Variants in LETMD1 observed in about 807,000 individuals in gnomAD.
The protein encoded by LETMD1 is LETM1 domain-containing protein 1.
A neutral mutation model predicts 43.9 loss-of-function variants in LETMD1; 30 were observed. The ratio of observed to expected loss-of-function variants is 0.68; its 90% CI spans 0.51 to 0.93. The LOEUF (loss-of-function observed/expected upper bound fraction) is 0.93, where lower values mean the gene tolerates loss of function less well. Ranked by LOEUF, LETMD1 falls within the 40% of genes least tolerant of loss-of-function variation. The probability of loss-of-function intolerance (pLI) is 0.00; values close to 1 mark genes in which losing one functional copy is unlikely to be tolerated. For missense variants in LETMD1, 413 were observed against 447.7 expected (o/e 0.92, Z 0.70); for synonymous variants, 176 against 163.1 (o/e 1.08, Z -0.60).
chr12:51,063,465 AG>A, downstream of LETMD1: 1 of 231,492 alleles, frequency 4.3e-6, no homozygotes, highest in South Asian at 1.5e-4. Context: ...TTTTCCTGTG[AG>A]ATCCTAGTTC....
downstream of LETMD1, chr12:51,061,757 C>A (rs1948838027): frequency 6.6e-6 from 1 of 152,172 alleles, no homozygotes; most frequent in East Asian, 1.9e-4. Context: ...CCTCATCGTG[C>A]AGCTGGAATC....
chr12:51,067,074 G>C, the LETMD1 span, among the ~76,000 whole-genome samples: 1 of 152,086 alleles, frequency 6.6e-6, no homozygotes, highest in Non-Finnish European at 1.5e-5. This position sits in a 1 kb window ranked among gnomAD's most constrained non-coding sequence, Gnocchi z 4.1. Flanking sequence ...CAATCTGCCT[G>C]CCTGCCTCGG....
At chr12:51,065,318 C>T (rs1211577261), downstream of LETMD1, among the ~76,000 whole-genome samples, 1 of 152,130 alleles carries the variant, frequency 6.6e-6, no homozygotes, top group Admixed American at 6.6e-5. Flanking sequence ...ACTTACAGAC[C>T]AGGAATATCT....
the LETMD1 span, among the ~76,000 whole-genome samples, chr12:51,066,244 AG>A: frequency 1.3e-5 from 2 of 151,834 alleles, no homozygotes; most frequent in Non-Finnish European, 2.9e-5. Context: ...CACGAGGTCA[AG>A]AGATCGAGAC....
In LETMD1 at chr12:51,055,054, C is replaced by T. The variant is rs188940797; in HGVS notation, c.474-781C>T. On this transcript the variant is annotated intron_variant, in intron 4 of 8. Transcript: ENST00000262055. ...GGCAGAGGTTGCAGTGAGCCGAGAT[C>T]GCGCCACTGCAGTCCAGCTTGGGTG... Among the ~76,000 whole-genome samples, 26 of 152,010 alleles carry T rather than the reference C, an allele frequency of 1.7e-4. No homozygotes were observed. The East Asian group carries it at 5.1e-3, about 30-fold the overall frequency.
At chr12:51,051,797 T>C (rs1181429903) in intron 2 of LETMD1, among the ~76,000 whole-genome samples, 2 of 152,106 alleles carry the variant, frequency 1.3e-5, no homozygotes, top group East Asian at 3.9e-4. Context: ...CTTTCTGAAG[T>C]TAGGGAGCTT....
chr12:51,057,720 G>T (rs1267387924), intron 7 of LETMD1: 2 of 363,106 alleles, frequency 5.5e-6, no homozygotes, highest in Non-Finnish European at 1.1e-5. Context: ...CCGCCTCCCA[G>T]GTTCCAGTGA....
the LETMD1 span, among the ~76,000 whole-genome samples, chr12:51,066,319 G>A: frequency 4.6e-5 from 7 of 152,150 alleles, no homozygotes; most frequent in South Asian, 1.5e-3. Flanking sequence ...TGGGTGTGGT[G>A]GTGTGTGCCT....
chr12:51,059,397 T>C lies in LETMD1; in HGVS notation c.1049T>C (p.Leu350Pro). 6.2e-7 allele frequency: 1 copy of C among 1,614,226 alleles called. No homozygotes were observed. Among genetic ancestry groups the C allele is most frequent in the Non-Finnish European group, 8.5e-7 (1 of 1,180,016 alleles). The change falls in exon 9 of 9, where the codon CTG (leucine) becomes CCG (proline). Residue 350 changes from leucine (L) to proline (P), a missense_variant. Transcript: ENST00000262055. ...TCTCTCTTGCTGCACAACGTGGTCCTGCTCTCCACCAACTACCTTGGGACA... is the reference window on the plus strand; with the variant it reads ...TCTCTCTTGCTGCACAACGTGGTCCCGCTCTCCACCAACTACCTTGGGACA... The part of the protein sequence containing the change: ...ELSLLLHNVV[L>P]LSTNYLGTRR
At chr12:51,061,794 C>T (rs1488171594), downstream of LETMD1, 1 of 152,188 alleles carries the variant, frequency 6.6e-6, no homozygotes, top group African/African-American at 2.4e-5. Context: ...CCGGAGCCTT[C>T]CTGCAGAGAC....
rs565359513 is a variant in LETMD1 at position 51,053,149 on chromosome 12, A to G, written c.391-629A>G. On this transcript the variant is annotated intron_variant, in intron 3 of 8. Transcript: ENST00000262055. ...AGTCTGCAAGGATCCAAAGGGCAGC[A>G]TGAAAGTAGTATTTGGTGGTGACTT... Among the ~76,000 whole-genome samples the G allele has an allele frequency of 5.9e-5, 9 of 152,082 alleles. 1 individual carries two copies. In the South Asian group the frequency reaches 1.9e-3, roughly 32 times the overall value.
the LETMD1 span, chr12:51,067,883 A>G: frequency 2.5e-6 from 4 of 1,613,940 alleles, no homozygotes; most frequent in Admixed American, 3.3e-5. The surrounding 1 kb of genome is among the most constrained non-coding windows in gnomAD (Gnocchi z 4.1). Context: ...CCACCTCCAC[A>G]TTTTCCACAT....
intron 4 of LETMD1, among the ~76,000 whole-genome samples, chr12:51,055,394 G>A (rs1472090098): frequency 6.6e-6 from 1 of 152,012 alleles, no homozygotes; most frequent in African/African-American, 2.4e-5. Flanking sequence ...GCTGACTGTA[G>A]TGGCTCTCAC....
downstream of LETMD1, chr12:51,064,782 G>A (rs11169692): frequency 0.2 from 167,853 of 821,620 alleles, 22,666 homozygotes; most frequent in East Asian, 0.7. Context: ...CTTGTAAGAA[G>A]AAAAGCAACC....
chr12:51,049,896 A>G (rs1945493263), intron 2 of LETMD1, among the ~76,000 whole-genome samples: 1 of 152,252 alleles, frequency 6.6e-6, no homozygotes, highest in Non-Finnish European at 1.5e-5. Flanking sequence ...AGTGCCAAGT[A>G]AATGTTAACT....
intron 3 of LETMD1, among the ~76,000 whole-genome samples, chr12:51,053,043 C>T (rs1592604389): frequency 6.6e-6 from 1 of 151,338 alleles, no homozygotes; most frequent in African/African-American, 2.4e-5. Flanking sequence ...ACCTGGGAGG[C>T]GGAGGTTGCA....
At chr12:51,066,114 G>A in the LETMD1 span, among the ~76,000 whole-genome samples, 926 of 152,058 alleles carry the variant, frequency 6.1e-3, 7 homozygotes, top group African/African-American at 0.02. Context: ...GAGGTCAGGC[G>A]TTTGAGACCT....
downstream of LETMD1, chr12:51,063,300 G>A (rs1937760595): frequency 6.5e-6 from 1 of 152,754 alleles, no homozygotes; most frequent in Admixed American, 6.5e-5. Flanking sequence ...CCAGTTTGAA[G>A]TATTATGACA....
chr12:51,051,852 T>A (rs1471342175), intron 2 of LETMD1, among the ~76,000 whole-genome samples: 1 of 152,192 alleles, frequency 6.6e-6, no homozygotes, highest in Non-Finnish European at 1.5e-5. Flanking sequence ...AGGGAGACCA[T>A]TCCATAGCAG....
Sources: gnomAD v4.1 joint callset for allele counts (sites outside exome capture counted in the v4.1 genomes callset) on GRCh38, gnomAD v4.1.1 for gene constraint, Gnocchi (gnomAD v3.1) non-coding constraint, MANE v1.5 for transcripts, NCBI Gene and HGNC (gene_info 2026-07-23, HGNC 2026-07-21) for gene names.